Variants in STAC observed in about 807,000 individuals in gnomAD.
STAC encodes the protein SH3 and cysteine-rich domain-containing protein.
A neutral mutation model predicts 48.8 loss-of-function variants in STAC; 43 were observed. The observed-to-expected ratio is 0.88, with a 90% CI of 0.69 to 1.14. The LOEUF is 1.14. STAC is among the 50% of genes most tolerant of loss of function. The probability of loss-of-function intolerance (pLI) is 0.00; values close to 1 mark genes in which losing one functional copy is unlikely to be tolerated. For synonymous variants in STAC, 193 were observed against 179.5 expected, an observed-to-expected ratio of 1.07 and a Z score of -0.60; for missense variants, 497 against 504.0, an observed-to-expected ratio of 0.99 and a Z score of 0.13.
chr3:36,469,182 C>A (rs1301681940), intron 2 of STAC, among the ~76,000 whole-genome samples: 2 of 151,646 alleles, frequency 1.3e-5, no homozygotes, highest in Non-Finnish European at 2.9e-5. Context: ...TTATATAGGT[C>A]CTGTGAGATT....
intron 10 of STAC, among the ~76,000 whole-genome samples, chr3:36,542,452 T>A (rs890645525): frequency 1.3e-5 from 2 of 152,142 alleles, no homozygotes; most frequent in Non-Finnish European, 2.9e-5. Context: ...CTTACACCCA[T>A]TAGTCCCTCC....
chr3:36,417,160 T>A (rs1023990222), intron 1 of STAC, among the ~76,000 whole-genome samples: 1 of 152,118 alleles, frequency 6.6e-6, no homozygotes, highest in Non-Finnish European at 1.5e-5. Flanking sequence ...GACAAGAGTG[T>A]AGGAGGCAAT....
At chr3:36,467,595 T>C (rs945611184) in intron 2 of STAC, among the ~76,000 whole-genome samples, 4 of 152,120 alleles carry the variant, frequency 2.6e-5, no homozygotes, top group Non-Finnish European at 4.4e-5. Context: ...TCCAGGAATT[T>C]ATCCATCTCC....
chr3:36,490,530 T>C (rs1697940627), intron 5 of STAC, among the ~76,000 whole-genome samples: 1 of 152,126 alleles, frequency 6.6e-6, no homozygotes. Context: ...TCTTCCATGC[T>C]TGTGGGAGGC....
chr3:36,398,412 GAGGGAA>G (rs1175806475), intron 1 of STAC, among the ~76,000 whole-genome samples: 2 of 128,442 alleles, frequency 1.6e-5, no homozygotes, highest in African/African-American at 3.0e-5. Flanking sequence ...GAGAAAGAGA[GAGGGAA>G]GGAAGGAAGG....
chr3:36,516,073 T>C (rs1698667273), intron 8 of STAC, among the ~76,000 whole-genome samples: 1 of 128,798 alleles, frequency 7.8e-6, no homozygotes, highest in Non-Finnish European at 1.6e-5. Flanking sequence ...AACCTCCACC[T>C]CCCAGGTTCA....
At chr3:36,479,661 A>T (rs1475504183) in intron 2 of STAC, among the ~76,000 whole-genome samples, 3 of 152,230 alleles carry the variant, frequency 2.0e-5, no homozygotes, top group Admixed American at 6.5e-5. Flanking sequence ...TACTAGTCCC[A>T]TTTAATGATT....
chr3:36,491,282 T>C (rs906377482), intron 5 of STAC, among the ~76,000 whole-genome samples: 1 of 152,240 alleles, frequency 6.6e-6, no homozygotes, highest in Non-Finnish European at 1.5e-5. Flanking sequence ...GAGAAGTCAC[T>C]GCCTGGCTGT....
At chr3:36,487,478 T>C (rs1283166871) in intron 5 of STAC, among the ~76,000 whole-genome samples, 2 of 152,220 alleles carry the variant, frequency 1.3e-5, no homozygotes, top group African/African-American at 4.8e-5. Context: ...TGACATCAGA[T>C]AGTTCTTTCT....
chr3:36,416,568 C>G (rs1320916411), intron 1 of STAC, among the ~76,000 whole-genome samples: 1 of 152,190 alleles, frequency 6.6e-6, no homozygotes, highest in Non-Finnish European at 1.5e-5. Context: ...CTCTTGGGCT[C>G]TTTATATCAA....
chr3:36,505,362 A>C, intron 7 of STAC, among the ~76,000 whole-genome samples: 1 of 152,064 alleles, frequency 6.6e-6, no homozygotes, highest in Non-Finnish European at 1.5e-5. Flanking sequence ...AAAACAGTTA[A>C]TTTTAGGAAG....
chr3:36,541,886 G>T (rs1343534014), intron 10 of STAC, among the ~76,000 whole-genome samples: 1 of 152,158 alleles, frequency 6.6e-6, no homozygotes, highest in Non-Finnish European at 1.5e-5. Context: ...GCTTACCACT[G>T]CTGCATACAT....
intron 10 of STAC, among the ~76,000 whole-genome samples, chr3:36,532,637 CT>C (rs1033183016): frequency 2.6e-5 from 4 of 152,152 alleles, no homozygotes; most frequent in African/African-American, 9.7e-5. Flanking sequence ...GACAATACCC[CT>C]GGAAACCTAC....
chr3:36,504,248 C>T (rs12637657), intron 6 of STAC, 145 bp from the exon 7 acceptor site: 23 of 689,846 alleles, frequency 3.3e-5, no homozygotes, highest in South Asian at 3.2e-4. Flanking sequence ...ACCACCTGAA[C>T]GCTGGGTCAC....
chr3:36,546,166 G>GT (rs762374827), intron 10 of STAC, 25 bp from the exon 11 acceptor site: 47 of 1,594,822 alleles, frequency 2.9e-5, no homozygotes, highest in African/African-American at 6.7e-5. Context: ...AAAGTATTTT[G>GT]TTTTTTTTCT....
At chr3:36,534,513 A>G (rs555434859) in intron 10 of STAC, among the ~76,000 whole-genome samples, 1 of 152,292 alleles carries the variant, frequency 6.6e-6, no homozygotes, top group South Asian at 2.1e-4. Flanking sequence ...CTAAAGATAA[A>G]TGCAATGCAC....
intron 1 of STAC, among the ~76,000 whole-genome samples, chr3:36,390,842 T>A (rs924147170): frequency 6.6e-6 from 1 of 152,228 alleles, no homozygotes; most frequent in East Asian, 1.9e-4. Flanking sequence ...TCTAAACCTG[T>A]CACCTATCTT....
In STAC at chr3:36,518,133, T is replaced by G. The variant is rs17035216; in HGVS notation, c.921-10563T>G. Among the ~76,000 whole-genome samples, 1,019 of 152,328 alleles carry G rather than the reference T, an allele frequency of 6.7e-3. 10 individuals carry two copies. Among genetic ancestry groups the G allele is most frequent in the African/African-American group, 0.023 (956 of 41,574 alleles). ...CCTTTTTTAAGCTGATAAAAACTTT[T>G]CAATCAACAATGACTTTCATGACTT... On this transcript the variant is annotated intron_variant, in intron 8 of 10. Transcript: ENST00000273183.
At chr3:36,439,148 T>C (rs946710767) in intron 1 of STAC, among the ~76,000 whole-genome samples, 16 of 152,126 alleles carry the variant, frequency 1.1e-4, no homozygotes, top group African/African-American at 3.9e-4. Flanking sequence ...CAGATTCAAT[T>C]TGAACCCTGG....
Sources: allele counts gnomAD v4.1 joint callset (sites outside exome capture counted in the v4.1 genomes callset), GRCh38; gene constraint gnomAD v4.1.1; transcripts MANE v1.5; gene names NCBI Gene and HGNC (gene_info 2026-07-23, HGNC 2026-07-21).